Variants in ADGRV1 observed in about 807,000 individuals in gnomAD.
The protein encoded by ADGRV1 is adhesion G protein-coupled receptor V1, also known as G-protein coupled receptor 98.
In ADGRV1, 359 loss-of-function variants were observed where a neutral mutation model predicts 596.2. The ratio of observed to expected loss-of-function variants is 0.60; its 90% confidence interval spans 0.55 to 0.66. The LOEUF (loss-of-function observed/expected upper bound fraction) is 0.66. Among genes scored for constraint, ADGRV1 ranks in the 30% least tolerant of loss-of-function variants. The pLI is 0.00. For synonymous variants in ADGRV1, 2,681 were observed against 2,679.2 expected (o/e 1.00, Z -0.02); for missense variants, 7,274 against 7,575.6 (o/e 0.96, Z 1.48).
chr5:90,584,225 C>T (rs1758447073), intron 1 of ADGRV1, among the ~76,000 whole-genome samples: 1 of 152,184 alleles, frequency 6.6e-6, no homozygotes, highest in Non-Finnish European at 1.5e-5. Flanking sequence ...AATACTGTGA[C>T]ACGTAAAATT....
chr5:90,934,732 C>T (rs1050960859), intron 83 of ADGRV1, among the ~76,000 whole-genome samples: 1 of 152,202 alleles, frequency 6.6e-6, no homozygotes, highest in Non-Finnish European at 1.5e-5. Flanking sequence ...ACTTAAACAA[C>T]AGAAATTTAT....
intron 85 of ADGRV1, among the ~76,000 whole-genome samples, chr5:91,011,241 C>A (rs1782695470): frequency 6.6e-6 from 1 of 151,930 alleles, no homozygotes; most frequent in Non-Finnish European, 1.5e-5. Flanking sequence ...TATCCAACTT[C>A]TTGTTAATGT....
At chr5:91,113,906 G>A (rs565342620) in intron 87 of ADGRV1, among the ~76,000 whole-genome samples, 11 of 150,518 alleles carry the variant, frequency 7.3e-5, no homozygotes, top group South Asian at 2.1e-4. Context: ...GCAACAGAGC[G>A]AGACTGCATC....
Position 90,778,499 on chromosome 5 carries a change from G to T in ADGRV1, c.12739G>T (p.Val4247Phe). The T allele has an allele frequency of 6.2e-7, 1 of 1,613,118 alleles. No homozygotes were observed. Among genetic ancestry groups the T allele is most frequent in the Non-Finnish European group, 8.5e-7 (1 of 1,179,480 alleles). The change falls in exon 63 of 90, where the codon GTT becomes TTT. Residue 4247 changes from valine (V) to phenylalanine (F), a missense_variant. Val to Phe is a conservative substitution (Grantham distance 50). This residue lies in a region of ADGRV1 where 3,643 missense variants were observed against 3,809.2 expected (regional missense o/e 0.96). Transcript: ENST00000405460. ...GCTCACTGCAGTCAGTGAGGGAGGA[G>T]TTCTGAGTGAATCCAGCAGCACTGC... ...FQLTAVSEGG[V>F]LSESSSTANI...
chr5:90,813,916 G>A (rs1762678557), intron 74 of ADGRV1, among the ~76,000 whole-genome samples: 1 of 152,094 alleles, frequency 6.6e-6, no homozygotes, highest in Non-Finnish European at 1.5e-5. Context: ...TACAAGTCTG[G>A]AATCATTTTA....
At chr5:90,649,869 T>TGAGA (rs146927477) in intron 17 of ADGRV1, among the ~76,000 whole-genome samples, 5 of 150,112 alleles carry the variant, frequency 3.3e-5, no homozygotes, top group Admixed American at 2.0e-4. Context: ...TATTTGATTT[T>TGAGA]GAGAGAGAGA....
chr5:91,163,400 A>G (rs1217468298), intron 89 of ADGRV1, among the ~76,000 whole-genome samples: 2 of 152,162 alleles, frequency 1.3e-5, no homozygotes, highest in Non-Finnish European at 2.9e-5. Flanking sequence ...CGGGGCCTAT[A>G]TGTTTTGTAA....
chr5:90,923,548 G>T (rs1406311428), intron 83 of ADGRV1, among the ~76,000 whole-genome samples: 1 of 151,954 alleles, frequency 6.6e-6, no homozygotes, highest in East Asian at 1.9e-4. Flanking sequence ...TCTTGTAGAA[G>T]AAAAAAATCA....
At chr5:90,721,518 A>ATTAAATTAAATTAAAT (rs1389910760) in intron 45 of ADGRV1, among the ~76,000 whole-genome samples, 166 of 98,006 alleles carry the variant, frequency 1.7e-3, no homozygotes, top group Admixed American at 3.9e-3. Context: ...ATAAAATAAA[A>ATTAAATTAAATTAAAT]TAAAATAAAA....
intron 75 of ADGRV1, among the ~76,000 whole-genome samples, 179 bp from the exon 76 acceptor site, chr5:90,823,246 G>A (rs1294613149): frequency 2.0e-5 from 3 of 152,180 alleles, no homozygotes; most frequent in Non-Finnish European, 4.4e-5. Context: ...CCTCTTATCT[G>A]TAGTGAGGAA....
intron 70 of ADGRV1, among the ~76,000 whole-genome samples, chr5:90,801,356 G>A (rs1364610348): frequency 6.6e-6 from 1 of 152,130 alleles, no homozygotes; most frequent in Non-Finnish European, 1.5e-5. Flanking sequence ...AGAGGAGCTA[G>A]GCGGGAAGGC....
intron 83 of ADGRV1, among the ~76,000 whole-genome samples, chr5:90,927,989 G>A (rs931475313): frequency 9.2e-5 from 14 of 152,220 alleles, no homozygotes; most frequent in African/African-American, 3.4e-4. Context: ...TAGGGTTTCT[G>A]CCAGGAGATC....
At chr5:90,641,000 A>C (rs1350106556) in intron 11 of ADGRV1, 1 of 152,632 alleles carries the variant, frequency 6.6e-6, no homozygotes, top group Non-Finnish European at 1.5e-5. Flanking sequence ...CTGGCCATGC[A>C]TGCTTTGTGT....
At chr5:90,968,456 T>G (rs1014760431) in intron 84 of ADGRV1, among the ~76,000 whole-genome samples, 3 of 152,238 alleles carry the variant, frequency 2.0e-5, no homozygotes, top group Non-Finnish European at 4.4e-5. Context: ...TGATTGTGCC[T>G]GATTCACATT....
chr5:90,975,264 T>C (rs1235814229), intron 84 of ADGRV1, among the ~76,000 whole-genome samples: 1 of 152,088 alleles, frequency 6.6e-6, no homozygotes, highest in East Asian at 1.9e-4. Context: ...GACTGTAAAT[T>C]AGTTCAACCA....
At chr5:90,850,445 T>C (rs1160147849) in intron 79 of ADGRV1, among the ~76,000 whole-genome samples, 2 of 152,210 alleles carry the variant, frequency 1.3e-5, no homozygotes, top group Non-Finnish European at 2.9e-5. Flanking sequence ...GTGCCTCTTA[T>C]AAATGTCTCT....
chr5:90,851,790 A>G (rs534374516), intron 79 of ADGRV1, among the ~76,000 whole-genome samples: 3 of 152,230 alleles, frequency 2.0e-5, no homozygotes, highest in Non-Finnish European at 4.4e-5. Context: ...AGAAGGTGTC[A>G]GGAATTTGTT....
At chr5:90,774,161 G>A (rs747064527) in intron 59 of ADGRV1, 25 bp from the exon 60 acceptor site, 93 of 1,341,086 alleles carry the variant, frequency 6.9e-5, no homozygotes, top group Non-Finnish European at 9.6e-5. Flanking sequence ...TCTGGAAAAT[G>A]CACTGTTTCT....
intron 85 of ADGRV1, among the ~76,000 whole-genome samples, chr5:91,027,701 C>G (rs1342249073): frequency 6.6e-6 from 1 of 152,152 alleles, no homozygotes; most frequent in African/African-American, 2.4e-5. Context: ...TAATCAGGAT[C>G]TCATTAAGGG....
Sources: allele counts gnomAD v4.1 joint callset (sites outside exome capture counted in the v4.1 genomes callset), GRCh38; gene constraint gnomAD v4.1.1; regional missense constraint gnomAD v4.1.1; transcripts MANE v1.5; gene names NCBI Gene and HGNC (gene_info 2026-07-23, HGNC 2026-07-21).